The following NR6A1 variants were observed in gnomAD, a reference collection of about 807,000 sequenced individuals.
NR6A1 encodes the protein retinoic acid receptor-related testis-associated receptor.
Under a neutral mutation model 59.1 loss-of-function variants are expected in NR6A1, and 7 were observed. The ratio of observed to expected loss-of-function variants is 0.12; its 90% CI spans 0.07 to 0.22. The LOEUF is 0.22. Ranked by LOEUF, NR6A1 falls within the 10% of genes least tolerant of loss-of-function variation. The probability of loss-of-function intolerance (pLI) is 1.00; values close to 1 mark genes in which losing one functional copy is unlikely to be tolerated. For synonymous variants in NR6A1, 243 were observed against 236.1 expected, an observed-to-expected ratio of 1.03 and a Z score of -0.27; for missense variants, 468 against 611.6, an observed-to-expected ratio of 0.77 and a Z score of 2.48.
At chr9:124,543,216 A>G (rs1833500689) in intron 4 of NR6A1, among the ~76,000 whole-genome samples, 1 of 152,090 alleles carries the variant, frequency 6.6e-6, no homozygotes. Flanking sequence ...GTCCCCAACC[A>G]CGGCTCTAGC....
intron 2 of NR6A1, among the ~76,000 whole-genome samples, chr9:124,662,833 T>C (rs968785144): frequency 3.3e-5 from 5 of 152,210 alleles, no homozygotes; most frequent in African/African-American, 1.2e-4. Context: ...GTCTTATACT[T>C]AGGGATGTAG....
In NR6A1 at chr9:124,771,237, G is replaced by T; in HGVS notation, c.-118C>A. On this transcript the variant is annotated 5_prime_UTR_variant, in exon 1 of 10. Transcript: ENST00000487099. ...GTCAGGAGCCCGCGAGCTCCCGGCCGCGGCTCTCTCTGGGCCCCGAGCCGC... is the reference window on the plus strand; with the variant it reads ...GTCAGGAGCCCGCGAGCTCCCGGCCTCGGCTCTCTCTGGGCCCCGAGCCGC... 3 of 524,072 alleles carry T rather than the reference G, an allele frequency of 5.7e-6. No homozygotes were observed. The highest frequency in any genetic ancestry group is 8.7e-6 in the Non-Finnish European group (3 of 343,122). 32.5% of individuals were successfully genotyped at this position (524,072 alleles called of 1,614,324 possible).
At chr9:124,764,329 G>C (rs1480452211) in intron 1 of NR6A1, among the ~76,000 whole-genome samples, 1 of 152,146 alleles carries the variant, frequency 6.6e-6, no homozygotes, top group Non-Finnish European at 1.5e-5. Flanking sequence ...AAACATCATA[G>C]ATAAAATATC....
intron 2 of NR6A1, among the ~76,000 whole-genome samples, chr9:124,617,465 C>T (rs1172936791): frequency 6.6e-6 from 1 of 152,172 alleles, no homozygotes; most frequent in African/African-American, 2.4e-5. Flanking sequence ...TATTATTTGG[C>T]CACTACAAAT....
chr9:124,640,501 G>C (rs927302315), intron 2 of NR6A1, among the ~76,000 whole-genome samples: 1 of 152,080 alleles, frequency 6.6e-6, no homozygotes, highest in Non-Finnish European at 1.5e-5. Flanking sequence ...ATGGGCTCAA[G>C]CAATGTTCCT....
At chr9:124,670,425 TTTTA>T (rs1386046190) in intron 2 of NR6A1, among the ~76,000 whole-genome samples, 2 of 151,106 alleles carry the variant, frequency 1.3e-5, no homozygotes, top group East Asian at 1.9e-4. Context: ...CTCGAATTTC[TTTTA>T]TTTGTCTATT....
intron 2 of NR6A1, among the ~76,000 whole-genome samples, chr9:124,643,962 G>A (rs960918125): frequency 6.6e-5 from 10 of 152,152 alleles, no homozygotes; most frequent in Middle Eastern, 3.4e-3. Context: ...GTGCAGTGGC[G>A]CGATACTGGC....
At chr9:124,566,890 C>T (rs1245026571) in intron 2 of NR6A1, among the ~76,000 whole-genome samples, 1 of 152,108 alleles carries the variant, frequency 6.6e-6, no homozygotes, top group Non-Finnish European at 1.5e-5. Context: ...GGGCGGATCA[C>T]GAGGTCAGGA....
intron 2 of NR6A1, among the ~76,000 whole-genome samples, chr9:124,664,323 G>A (rs780107238): frequency 6.6e-6 from 1 of 152,134 alleles, no homozygotes; most frequent in Non-Finnish European, 1.5e-5. Context: ...TTAGAAGGAG[G>A]GTTTTCTCCC....
intron 2 of NR6A1, chr9:124,607,238 T>C (rs971037584): frequency 2.0e-5 from 3 of 152,212 alleles, no homozygotes; most frequent in Non-Finnish European, 4.4e-5. Flanking sequence ...CTAGGAGTTC[T>C]GGGCTATAGT....
At chr9:124,669,122 T>C (rs959158018) in intron 2 of NR6A1, among the ~76,000 whole-genome samples, 2 of 152,320 alleles carry the variant, frequency 1.3e-5, no homozygotes, top group African/African-American at 2.4e-5. Context: ...ATTCTTCTCA[T>C]AGATGTATTT....
At chr9:124,596,707 G>A (rs538518403) in intron 2 of NR6A1, among the ~76,000 whole-genome samples, 1 of 152,282 alleles carries the variant, frequency 6.6e-6, no homozygotes, top group South Asian at 2.1e-4. Context: ...CACACCAGCA[G>A]CACGCAGCAG....
intron 2 of NR6A1, among the ~76,000 whole-genome samples, chr9:124,610,720 C>T (rs542187354): frequency 2.6e-3 from 389 of 152,200 alleles, no homozygotes; most frequent in Non-Finnish European, 4.1e-3. Flanking sequence ...GCTGTAAATC[C>T]GTCTGGTCCT....
intron 3 of NR6A1, among the ~76,000 whole-genome samples, chr9:124,552,599 G>A (rs1833810822): frequency 6.6e-6 from 1 of 152,146 alleles, no homozygotes; most frequent in African/African-American, 2.4e-5. Context: ...GCAGGTACAA[G>A]CTCTGCTTAA....
In NR6A1 at chr9:124,536,069, A is replaced by G. The variant is rs140919949; in HGVS notation, c.888T>C (p.Phe296=). 925 of 1,614,204 alleles carry G rather than the reference A, an allele frequency of 5.7e-4. No homozygotes were observed. Among genetic ancestry groups the G allele is most frequent in the Admixed American group, 1.2e-3 (70 of 60,034 alleles). The change falls in exon 7 of 10, where the codon TTT becomes TTC. Residue 296 remains phenylalanine, a synonymous_variant. Coordinates refer to ENST00000487099, the MANE Select transcript of NR6A1 (RefSeq NM_033334.4). ...GTTTCTTGATCCAGGCAATCTGCCT[A>G]AAGAGCAGCTCGTCGGCCAGGCGGC... ...LLCRLADELL[F]RQIAWIKKLP...
At chr9:124,622,607 A>G (rs566934888) in intron 2 of NR6A1, among the ~76,000 whole-genome samples, 38 of 152,234 alleles carry the variant, frequency 2.5e-4, no homozygotes, top group African/African-American at 2.2e-4. Context: ...CTGAACCACT[A>G]TAACGTATTT....
At position 124,554,537 on chromosome 9, in the gene NR6A1, G is replaced by A; in HGVS notation, c.176C>T (p.Thr59Ile). The A allele has an allele frequency of 6.2e-7, 1 of 1,614,178 alleles. No individual in the cohort carries two copies. Residue 59 changes from threonine (T) to isoleucine (I), a missense_variant, in exon 3 of 10, where the codon ACC becomes ATC. Coordinates refer to ENST00000487099, the MANE Select transcript of NR6A1 (RefSeq NM_033334.4). Reference sequence around the variant, plus strand: ...AGCGCGGTCCCCACAAATGAGACAGGTTCGTTGTTCAGCCCGATCATCTGA... The same window carrying A: ...AGCGCGGTCCCCACAAATGAGACAGATTCGTTGTTCAGCCCGATCATCTGA... ...SVSDDRAEQRTCLICGDRATG... is the reference protein window; with the variant it reads ...SVSDDRAEQRICLICGDRATG...
At chr9:124,571,072 G>T (rs540814449) in intron 2 of NR6A1, among the ~76,000 whole-genome samples, 1 of 152,256 alleles carries the variant, frequency 6.6e-6, no homozygotes, top group South Asian at 2.1e-4. Context: ...ACGATGTAGT[G>T]GACACTGAAG....
At chr9:124,599,389 A>C (rs1339465658) in intron 2 of NR6A1, 1 of 371,296 alleles carries the variant, frequency 2.7e-6, no homozygotes, top group African/African-American at 2.2e-5. Flanking sequence ...ATTGCACTCC[A>C]GCCTGGGCGA....
Sources: allele counts gnomAD v4.1 joint callset (sites outside exome capture counted in the v4.1 genomes callset), GRCh38; gene constraint gnomAD v4.1.1; transcripts MANE v1.5; gene names NCBI Gene and HGNC (gene_info 2026-07-23, HGNC 2026-07-21).